CACNA1S: variants seen among roughly 807,000 people sequenced by gnomAD.
CACNA1S encodes calcium voltage-gated channel subunit alpha1 S.
CACNA1S carries 126 observed loss-of-function variants against 207.4 expected under a neutral mutation model. The ratio of observed to expected loss-of-function variants is 0.61; its 90% CI spans 0.53 to 0.70. The LOEUF is 0.70. Ranked by LOEUF, CACNA1S falls within the 30% of genes least tolerant of loss-of-function variation. The pLI is 0.00. For missense variants in CACNA1S, 2,349 were observed against 2,422.8 expected, an observed-to-expected ratio of 0.97 and a Z score of 0.64; for synonymous variants, 960 against 932.7, an observed-to-expected ratio of 1.03 and a Z score of -0.53.
intron 7 of CACNA1S, among the ~76,000 whole-genome samples, chr1:201,087,331 A>T (rs1208277481): frequency 6.6e-6 from 1 of 152,172 alleles, no homozygotes; most frequent in Non-Finnish European, 1.5e-5. Flanking sequence ...CACAGCCACC[A>T]AGCAGTAGTG....
chr1:201,055,687 GTTCTAACCAATGT>G (rs917647055), intron 28 of CACNA1S, among the ~76,000 whole-genome samples: 1 of 152,188 alleles, frequency 6.6e-6, no homozygotes, highest in Non-Finnish European at 1.5e-5. Flanking sequence ...CTTGCAGAAA[GTTCTAACCAATGT>G]GCTCCCCTAG....
At chr1:201,060,121 G>T (rs1660989788) in intron 26 of CACNA1S, among the ~76,000 whole-genome samples, 1 of 152,150 alleles carries the variant, frequency 6.6e-6, no homozygotes, top group Admixed American at 6.6e-5. Flanking sequence ...TCTTATCATT[G>T]GGTGTGTCTT....
chr1:201,052,669 T>G (rs961802142), intron 31 of CACNA1S, 21 bp from the exon 32 acceptor site: 64 of 1,545,836 alleles, frequency 4.1e-5, no homozygotes, highest in African/African-American at 8.2e-5. Context: ...CAAAGGGCCC[T>G]GACTGTGGAA....
rs1558069699 is a variant in CACNA1S, at chr1:201,073,640, CCCCTGAGTTAGAAAA to C, written c.2064-13_2065del. The C allele has an allele frequency of 6.2e-7, 1 of 1,613,814 alleles. No individual in the cohort carries two copies. Among genetic ancestry groups the C allele is most frequent in the Non-Finnish European group, 8.5e-7 (1 of 1,179,668 alleles). ...CTCCTCTTCTGACTTGTCTGGGAGA[CCCCTGAGTTAGAAAA>C]CCCAAAGTGGAAGCCAAACCAGAAA... On this transcript the variant is annotated splice_acceptor_variant and splice_polypyrimidine_tract_variant and coding_sequence_variant and intron_variant, in exon 15 of 44. Coordinates refer to ENST00000362061, the MANE Select transcript of CACNA1S (RefSeq NM_000069.3). LOFTEE classifies it high-confidence loss of function.
Position 201,075,565 on chromosome 1 carries a change from G to C in CACNA1S, c.1878C>G (p.Ala626=), listed in dbSNP as rs182607775. ...WTSMMYNGIM[A]YGGPSYPGML... is the part of the protein sequence containing the mutation. Reference sequence around the variant, plus strand: ...TGCCAGGGTAGGACGGCCCGCCGTAGGCCATGATCCCATTGTACATCATTG... The same window carrying C: ...TGCCAGGGTAGGACGGCCCGCCGTACGCCATGATCCCATTGTACATCATTG... The change falls in exon 13 of 44, where the codon GCC becomes GCG. Residue 626 remains alanine, a synonymous_variant. Transcript: ENST00000362061. 8.7e-6 allele frequency: 14 copies of C among 1,614,136 alleles called. No homozygotes were observed. The highest frequency in any genetic ancestry group is 1.2e-5 in the Non-Finnish European group (14 of 1,179,994).
intron 25 of CACNA1S, 135 bp downstream of exon 25, chr1:201,061,132 G>A: frequency 3.9e-6 from 3 of 776,672 alleles, no homozygotes; most frequent in Non-Finnish European, 2.2e-6. Flanking sequence ...AGGGTGCATG[G>A]AGGCTAGGGC....
In CACNA1S at chr1:201,054,578, C is replaced by T. The variant is rs368357562; in HGVS notation, c.3610-17G>A. 1.7e-5 allele frequency: 27 copies of T among 1,607,966 alleles called. No homozygotes were observed. Among genetic ancestry groups the T allele is most frequent in the East Asian group, 2.2e-5 (1 of 44,674 alleles). On this transcript the variant is annotated splice_polypyrimidine_tract_variant and intron_variant, in intron 28 of 43. Transcript: ENST00000362061. ...CAGGAAAGTCTGTGGAGAAAAGAGA[C>T]GAAGGGAGGGGAAGGAGAGGAGAGA...
intron 27 of CACNA1S, 37 bp downstream of exon 27, chr1:201,059,152 C>T (rs1170934997): frequency 2.2e-6 from 3 of 1,379,404 alleles, no homozygotes; most frequent in African/African-American, 2.9e-5. Flanking sequence ...CCCACCAGCC[C>T]CAGCTTCTCA....
chr1:201,053,768 G>A lies in CACNA1S; in HGVS notation c.3667-181C>T, dbSNP rs1660739870. 6.6e-6 allele frequency among the ~76,000 whole-genome samples: 1 copy of A among 152,196 alleles called. No homozygotes were observed. The highest frequency in any genetic ancestry group is 2.4e-5 in the African/African-American group (1 of 41,450). The stretch of plus-strand genomic sequence containing the variant: ...GGACCATCCTTGGGCACAGGGCTCT[G>A]GGGCTGTTCAGCTGGGAGGCAGGGA... On this transcript the variant is annotated intron_variant, in intron 29 of 43. Transcript: ENST00000362061. The surrounding 1 kb of genome is among the most constrained non-coding windows in gnomAD (Gnocchi z 5.1).
At chr1:201,080,745 GTTGT>G (rs1324934644) in intron 10 of CACNA1S, among the ~76,000 whole-genome samples, 3 of 148,066 alleles carry the variant, frequency 2.0e-5, no homozygotes, top group East Asian at 1.9e-4. Flanking sequence ...TTTTTTTGTT[GTTGT>G]TTGTTTGTTT....
intron 28 of CACNA1S, among the ~76,000 whole-genome samples, chr1:201,055,640 G>C (rs1485281338): frequency 6.6e-6 from 1 of 152,226 alleles, no homozygotes; most frequent in East Asian, 1.9e-4. Flanking sequence ...TGTGTGGCTA[G>C]TGGCTACTCT....
At chr1:201,068,345 C>T (rs1275343781) in intron 19 of CACNA1S, among the ~76,000 whole-genome samples, 5 of 139,954 alleles carry the variant, frequency 3.6e-5, no homozygotes, top group Non-Finnish European at 7.6e-5. Context: ...CAGGTTCAAG[C>T]AATTCTCCTG....
At chr1:201,077,197 G>A (rs1558072036) in intron 11 of CACNA1S, 70 bp from the exon 12 acceptor site, 2 of 1,347,784 alleles carry the variant, frequency 1.5e-6, no homozygotes, top group Non-Finnish European at 2.1e-6. Context: ...GTGTGGACAG[G>A]CTTGGGGGAA....
At chr1:201,080,407 A>G (rs1371166864) in intron 10 of CACNA1S, among the ~76,000 whole-genome samples, 5 of 152,036 alleles carry the variant, frequency 3.3e-5, no homozygotes, top group African/African-American at 1.2e-4. Flanking sequence ...CACTGTTCAC[A>G]TCATCTCCAC....
chr1:201,046,977 C>T (rs1660490660), intron 38 of CACNA1S, 138 bp downstream of exon 38: 2 of 1,204,796 alleles, frequency 1.7e-6, no homozygotes, highest in South Asian at 1.2e-5. Flanking sequence ...ACTGTCTTGA[C>T]ATTTTTTCAC....
intron 17 of CACNA1S, 78 bp downstream of exon 17, chr1:201,070,194 C>T: frequency 6.6e-7 from 1 of 1,511,956 alleles, no homozygotes; most frequent in Non-Finnish European, 9.2e-7. Context: ...CATGGAGAGT[C>T]AGACAGGGTT....
At chr1:201,099,772 C>T (rs543526237) in intron 2 of CACNA1S, among the ~76,000 whole-genome samples, 3 of 152,214 alleles carry the variant, frequency 2.0e-5, no homozygotes, top group African/African-American at 4.8e-5. Context: ...GCTTTCCTCC[C>T]GGATTCCCTC....
chr1:201,070,205 T>A (rs1475253648), intron 17 of CACNA1S, 67 bp downstream of exon 17: 2 of 1,582,556 alleles, frequency 1.3e-6, no homozygotes, highest in Non-Finnish European at 1.7e-6. Flanking sequence ...AGACAGGGTT[T>A]TTTCTAGGGC....
rs1662009667 is a variant in CACNA1S, at chr1:201,085,505, C to T, written c.1081G>A (p.Glu361Lys). ...CAGCTCATGTAGCCCCGAAGGTCCT[C>T]ATCTAGTTGCTGCTTCTCCCGGAGC... is the stretch of plus-strand genomic sequence containing the variant. ...QKLREKQQLDEDLRGYMSWIT... is the reference protein window; with the variant it reads ...QKLREKQQLDKDLRGYMSWIT... Residue 361 changes from glutamate to lysine, a missense_variant, in exon 8 of 44, where the codon GAG becomes AAG. By Grantham distance (56) the Glu-to-Lys change is moderately conservative (BLOSUM62 1). Transcript: ENST00000362061. The T allele has an allele frequency of 2.5e-6, 4 of 1,613,378 alleles. No homozygotes were observed. In the East Asian group the frequency reaches 8.9e-5, roughly 36 times the overall value.
Sources: allele counts gnomAD v4.1 joint callset (sites outside exome capture counted in the v4.1 genomes callset), GRCh38; gene constraint gnomAD v4.1.1; non-coding constraint Gnocchi (gnomAD v3.1); transcripts MANE v1.5; gene names NCBI Gene and HGNC (gene_info 2026-07-23, HGNC 2026-07-21).